CPNE4: variants seen among roughly 807,000 people sequenced by gnomAD.
CPNE4 encodes the protein copine 4.
In CPNE4, 25 loss-of-function variants were observed where a neutral mutation model predicts 67.9. The ratio of observed to expected loss-of-function variants is 0.37; its 90% confidence interval spans 0.27 to 0.51. The LOEUF is 0.51. Ranked by LOEUF, CPNE4 falls within the 20% of genes least tolerant of loss-of-function variation. The probability of loss-of-function intolerance (pLI) is 0.93; values close to 1 mark genes in which losing one functional copy is unlikely to be tolerated. For missense variants in CPNE4, 464 were observed against 690.8 expected (o/e 0.67, Z 3.68); for synonymous variants, 242 against 244.9 (o/e 0.99, Z 0.11).
At chr3:131,766,241 A>C (rs1460661525) in intron 2 of CPNE4, among the ~76,000 whole-genome samples, 1 of 152,114 alleles carries the variant, frequency 6.6e-6, no homozygotes, top group Non-Finnish European at 1.5e-5. Flanking sequence ...AAATGAAATT[A>C]CAAATAATAA....
At chr3:131,663,741 C>T (rs545338067) in intron 7 of CPNE4, among the ~76,000 whole-genome samples, 31 of 152,198 alleles carry the variant, frequency 2.0e-4, no homozygotes, top group African/African-American at 5.8e-4. Flanking sequence ...CTAAGATAGA[C>T]GGCGCAAAGA....
intron 2 of CPNE4, among the ~76,000 whole-genome samples, chr3:131,756,529 A>G (rs1364808022): frequency 6.6e-6 from 1 of 152,164 alleles, no homozygotes; most frequent in Non-Finnish European, 1.5e-5. Flanking sequence ...TCCATGCTCT[A>G]CCTTGGGATG....
At chr3:131,627,825 G>GCAATT (rs1299205342) in intron 7 of CPNE4, among the ~76,000 whole-genome samples, 1 of 152,170 alleles carries the variant, frequency 6.6e-6, no homozygotes, top group African/African-American at 2.4e-5. Flanking sequence ...TTGAATTGCT[G>GCAATT]CAATTTCATA....
intron 6 of CPNE4, among the ~76,000 whole-genome samples, chr3:131,682,791 A>G (rs1385072805): frequency 6.6e-6 from 1 of 151,920 alleles, no homozygotes; most frequent in Non-Finnish European, 1.5e-5. Flanking sequence ...GGAGTCGGAA[A>G]CCTTAGGACT....
intron 2 of CPNE4, among the ~76,000 whole-genome samples, chr3:131,856,797 C>T (rs562952751): frequency 1.2e-4 from 18 of 152,092 alleles, no homozygotes; most frequent in African/African-American, 1.4e-4. Context: ...TTGATCCTCC[C>T]GTGAGGTAAT....
chr3:131,574,085 C>T (rs922728137), intron 10 of CPNE4, among the ~76,000 whole-genome samples: 2 of 152,038 alleles, frequency 1.3e-5, no homozygotes, highest in African/African-American at 4.8e-5. Context: ...TATATAGGTC[C>T]CGTCTACTCT....
chr3:131,971,478 T>C (rs1451140954), intron 1 of CPNE4, among the ~76,000 whole-genome samples: 1 of 152,322 alleles, frequency 6.6e-6, no homozygotes, highest in East Asian at 1.9e-4. Context: ...TAAGATATCA[T>C]TAGGTCCAAA....
intron 2 of CPNE4, among the ~76,000 whole-genome samples, chr3:131,863,216 A>T (rs1323301240): frequency 6.6e-6 from 1 of 152,170 alleles, no homozygotes; most frequent in East Asian, 1.9e-4. Context: ...TCCTTTGGGT[A>T]CATACCCAGT....
chr3:131,659,560 T>C (rs2080070730), intron 7 of CPNE4, among the ~76,000 whole-genome samples: 2 of 152,222 alleles, frequency 1.3e-5, no homozygotes, highest in South Asian at 2.1e-4. Flanking sequence ...CTGATACTTT[T>C]AGTTTTAGAC....
chr3:131,610,047 T>C (rs1939741809), intron 7 of CPNE4, among the ~76,000 whole-genome samples: 1 of 152,182 alleles, frequency 6.6e-6, no homozygotes, highest in Non-Finnish European at 1.5e-5. Context: ...TTTGTTTGAG[T>C]GTGTAATGTA....
chr3:131,676,692 G>A (rs1171088059), intron 6 of CPNE4, among the ~76,000 whole-genome samples: 1 of 152,084 alleles, frequency 6.6e-6, no homozygotes, highest in Non-Finnish European at 1.5e-5. Flanking sequence ...CTCCATCCAT[G>A]TCCTTGCAAA....
Position 131,644,296 on chromosome 3 carries a change from C to T in CPNE4, c.681+25379G>A, listed in dbSNP as rs150022490. Among the ~76,000 whole-genome samples the T allele has an allele frequency of 4.3e-3, 659 of 152,046 alleles. 6 individuals carry two copies. Among genetic ancestry groups the T allele is most frequent in the African/African-American group, 0.015 (607 of 41,474 alleles). ...CCGAGTAGCTGGGACTACAGGTGCC[C>T]GCCACCATGCCTGACTAGTTTTTTG... On this transcript the variant is annotated intron_variant, in intron 7 of 15. Coordinates refer to ENST00000429747, the MANE Select transcript of CPNE4 (RefSeq NM_130808.3).
At chr3:131,887,355 T>C (rs1035222414) in intron 2 of CPNE4, among the ~76,000 whole-genome samples, 1 of 152,216 alleles carries the variant, frequency 6.6e-6, no homozygotes, top group Non-Finnish European at 1.5e-5. Flanking sequence ...GTAAGTCCAA[T>C]TAAACCTCTT....
At position 131,789,005 on chromosome 3, in the gene CPNE4, G is replaced by GACACACAC. The variant is rs150450935; in HGVS notation, c.181-65388_181-65381dup. The stretch of plus-strand genomic sequence containing the variant: ...TAATGATATTCAGAGAACTCAACCA[G>GACACACAC]ACACACACACACACACACACACACA... On this transcript the variant is annotated intron_variant, in intron 2 of 15. Coordinates refer to ENST00000429747, the MANE Select transcript of CPNE4 (RefSeq NM_130808.3). Among the ~76,000 whole-genome samples, 351 of 133,732 alleles carry GACACACAC rather than the reference G, an allele frequency of 2.6e-3. 2 individuals carry two copies. The highest frequency in any genetic ancestry group is 4.2e-3 in the Non-Finnish European group (263 of 62,616). The allele number at this position is 133,732 out of a possible 152,430, so 87.7% of individuals were successfully genotyped here.
intron 2 of CPNE4, among the ~76,000 whole-genome samples, chr3:131,863,001 T>C (rs2086758783): frequency 6.6e-6 from 1 of 151,592 alleles, no homozygotes; most frequent in African/African-American, 2.4e-5. Context: ...GAATGATGGT[T>C]TCCAGCTTCA....
chr3:131,940,749 A>G (rs557837021), intron 1 of CPNE4, among the ~76,000 whole-genome samples: 4 of 152,252 alleles, frequency 2.6e-5, no homozygotes, highest in African/African-American at 9.6e-5. Context: ...AAAAGGGGGC[A>G]GTGAATAACA....
chr3:131,818,857 T>G (rs1396046678), intron 2 of CPNE4, among the ~76,000 whole-genome samples: 3 of 152,146 alleles, frequency 2.0e-5, no homozygotes, highest in Non-Finnish European at 4.4e-5. Context: ...ATCCCAGCAC[T>G]TTGGGAGGCT....
chr3:131,620,670 T>G (rs960876683), intron 7 of CPNE4, among the ~76,000 whole-genome samples: 2 of 152,084 alleles, frequency 1.3e-5, no homozygotes, highest in African/African-American at 4.8e-5. Context: ...AGAGTCCTTA[T>G]AATAGAGGGC....
intron 2 of CPNE4, among the ~76,000 whole-genome samples, chr3:131,823,239 T>G (rs1388311206): frequency 1.3e-5 from 2 of 152,260 alleles, no homozygotes; most frequent in African/African-American, 4.8e-5. Context: ...TTGTGCTAGA[T>G]GCTTCACATA....
Sources: gnomAD v4.1 joint callset for allele counts (sites outside exome capture counted in the v4.1 genomes callset) on GRCh38, gnomAD v4.1.1 for gene constraint, MANE v1.5 for transcripts, NCBI Gene and HGNC (gene_info 2026-07-23, HGNC 2026-07-21) for gene names.